The following CACNA2D1 variants were observed in gnomAD, a reference collection of about 807,000 sequenced individuals.
The protein encoded by CACNA2D1 is calcium voltage-gated channel auxiliary subunit alpha2delta 1, also known as voltage-dependent calcium channel subunit alpha-2/delta-1.
A neutral mutation model predicts 171.5 loss-of-function variants in CACNA2D1; 53 were observed. The ratio of observed to expected loss-of-function variants is 0.31; its 90% CI spans 0.25 to 0.39. CACNA2D1 has a LOEUF of 0.39. Ranked by LOEUF, CACNA2D1 falls within the 10% of genes least tolerant of loss-of-function variation. The pLI, the probability that CACNA2D1 is intolerant of heterozygous loss-of-function variation, is 1.00. For missense variants in CACNA2D1, 903 were observed against 1,299.8 expected (o/e 0.69, Z 4.69); for synonymous variants, 442 against 443.1 (o/e 1.00, Z 0.03).
At chr7:82,174,569 C>T (rs1483616604) in intron 3 of CACNA2D1, among the ~76,000 whole-genome samples, 1 of 152,024 alleles carries the variant, frequency 6.6e-6, no homozygotes, top group Non-Finnish European at 1.5e-5. Flanking sequence ...AAAGCTTATG[C>T]TCCTTCCACA....
chr7:82,176,947 T>C (rs1272369152), intron 3 of CACNA2D1, among the ~76,000 whole-genome samples: 1 of 152,036 alleles, frequency 6.6e-6, no homozygotes, highest in East Asian at 1.9e-4. Context: ...CAGTGGCCTC[T>C]GCCACATGGA....
intron 3 of CACNA2D1, among the ~76,000 whole-genome samples, chr7:82,264,846 C>T (rs1807607311): frequency 6.6e-6 from 1 of 152,168 alleles, no homozygotes; most frequent in Non-Finnish European, 1.5e-5. Flanking sequence ...TACAAATACA[C>T]ACTTACAGAT....
chr7:81,967,724 A>C, intron 29 of CACNA2D1, 61 bp from the exon 30 acceptor site: 1 of 778,772 alleles, frequency 1.3e-6, no homozygotes, highest in Non-Finnish European at 2.2e-6. Context: ...CCTTTGCAAT[A>C]TGACAGTTAT....
intron 3 of CACNA2D1, among the ~76,000 whole-genome samples, chr7:82,313,517 T>C (rs1814731201): frequency 6.6e-6 from 1 of 152,120 alleles, no homozygotes; most frequent in African/African-American, 2.4e-5. Flanking sequence ...ATCAGTGAAG[T>C]TTCATCTGCC....
At chr7:82,407,527 T>C (rs758891177) in intron 1 of CACNA2D1, among the ~76,000 whole-genome samples, 3 of 152,210 alleles carry the variant, frequency 2.0e-5, no homozygotes, top group Non-Finnish European at 4.4e-5. Flanking sequence ...TGAAGATTCC[T>C]TTTAACAATG....
chr7:82,412,420 T>A (rs560594006), intron 1 of CACNA2D1, among the ~76,000 whole-genome samples: 2 of 151,788 alleles, frequency 1.3e-5, no homozygotes, highest in Non-Finnish European at 2.9e-5. Flanking sequence ...GTAGCTGAGA[T>A]TACAGGCACG....
At chr7:81,953,881 T>C (rs1453164426) in intron 38 of CACNA2D1, among the ~76,000 whole-genome samples, 1 of 152,122 alleles carries the variant, frequency 6.6e-6, no homozygotes, top group East Asian at 1.9e-4. Flanking sequence ...ACTGTTTTTA[T>C]TTTTATATAT....
intron 1 of CACNA2D1, among the ~76,000 whole-genome samples, chr7:82,406,910 A>G (rs1189414313): frequency 6.6e-6 from 1 of 152,214 alleles, no homozygotes; most frequent in African/African-American, 2.4e-5. Flanking sequence ...CTCCCAAAAA[A>G]TAAATATTCA....
chr7:82,367,084 AT>A (rs200165814), intron 1 of CACNA2D1, among the ~76,000 whole-genome samples: 2,492 of 150,710 alleles, frequency 0.017, 22 homozygotes, highest in South Asian at 0.04. Context: ...TTGTTTTTTA[AT>A]TTTTTGTAGT....
intron 7 of CACNA2D1, among the ~76,000 whole-genome samples, chr7:82,069,131 G>C (rs1471926200): frequency 2.0e-5 from 3 of 152,052 alleles, no homozygotes; most frequent in Non-Finnish European, 2.9e-5. Context: ...TAATTCCCTT[G>C]TTGTAAAATC....
intron 4 of CACNA2D1, among the ~76,000 whole-genome samples, chr7:82,138,318 A>C (rs572945575): frequency 6.6e-6 from 1 of 152,292 alleles, no homozygotes; most frequent in East Asian, 1.9e-4. Flanking sequence ...AATTTCATTT[A>C]GAATCACTAA....
At chr7:82,176,997 T>C (rs547924364) in intron 3 of CACNA2D1, among the ~76,000 whole-genome samples, 1 of 147,358 alleles carries the variant, frequency 6.8e-6, no homozygotes, top group East Asian at 2.0e-4. Context: ...ATGATGCAAA[T>C]ATCTCAAAGG....
At chr7:82,048,465 T>C (rs1024372440) in intron 10 of CACNA2D1, among the ~76,000 whole-genome samples, 4 of 152,158 alleles carry the variant, frequency 2.6e-5, no homozygotes, top group African/African-American at 9.6e-5. Context: ...ATGAAAAATC[T>C]CTTATACATT....
chr7:82,169,619 T>C (rs1795814487), intron 4 of CACNA2D1, among the ~76,000 whole-genome samples: 1 of 152,064 alleles, frequency 6.6e-6, no homozygotes, highest in South Asian at 2.1e-4. Flanking sequence ...TAGTGTCTAC[T>C]GAAGCACAAC....
chr7:81,965,088 G>GA (rs1423166343), intron 32 of CACNA2D1, among the ~76,000 whole-genome samples: 1 of 151,328 alleles, frequency 6.6e-6, no homozygotes. Context: ...CTGTCATCCA[G>GA]AAAAAAAACA....
At chr7:82,126,537 A>G (rs1790354997) in intron 5 of CACNA2D1, among the ~76,000 whole-genome samples, 1 of 152,208 alleles carries the variant, frequency 6.6e-6, no homozygotes, top group Non-Finnish European at 1.5e-5. Context: ...CTATATGTAG[A>G]ATAAGAAAGT....
At chr7:82,392,008 G>A (rs1314537497) in intron 1 of CACNA2D1, among the ~76,000 whole-genome samples, 1 of 152,120 alleles carries the variant, frequency 6.6e-6, no homozygotes, top group Non-Finnish European at 1.5e-5. Context: ...ACAGGGGCAG[G>A]TCCCTGGTGA....
rs551177567 is a variant in CACNA2D1 at position 82,419,874 on chromosome 7, A to AT, written c.95+23490dup. ...GATCAGTGGTTTTCAACCCCGGGTG[A>AT]TTTTGCCCCTCAGGAGACATCTGAT... On this transcript the variant is annotated intron_variant, in intron 1 of 38. Transcript: ENST00000356860. Among the ~76,000 whole-genome samples the AT allele has an allele frequency of 4.6e-5, 7 of 152,266 alleles. 1 individual carries two copies. In the Middle Eastern group the frequency reaches 0.01, roughly 222 times the overall value.
chr7:82,002,984 A>C lies in CACNA2D1; in HGVS notation c.1590+2439T>G, dbSNP rs147562110. ...TATTTTTCTTCACTTGTATTAATGA[A>C]TTTCTGATAAAATAATTAAGATTTT... On this transcript the variant is annotated intron_variant, in intron 18 of 38. Coordinates refer to ENST00000356860, the MANE Select transcript of CACNA2D1 (RefSeq NM_000722.4). Among the ~76,000 whole-genome samples the C allele has an allele frequency of 3.2e-3, 482 of 152,134 alleles. 5 individuals are homozygous for C. The highest frequency in any genetic ancestry group is 0.011 in the African/African-American group (456 of 41,526).
Sources: gnomAD v4.1 joint callset for allele counts (sites outside exome capture counted in the v4.1 genomes callset) on GRCh38, gnomAD v4.1.1 for gene constraint, MANE v1.5 for transcripts, NCBI Gene and HGNC (gene_info 2026-07-23, HGNC 2026-07-21) for gene names.